Variants in NBAS observed in about 807,000 individuals in gnomAD.
NBAS encodes NAG/BC035112 fusion.
A neutral mutation model predicts 302.5 loss-of-function variants in NBAS; 219 were observed. That is an observed-to-expected ratio of 0.72 (90% CI 0.65 to 0.81). The LOEUF (loss-of-function observed/expected upper bound fraction) is 0.81. Ranked by LOEUF, NBAS falls within the 30% of genes least tolerant of loss-of-function variation. The probability of loss-of-function intolerance (pLI) is 0.00; values close to 1 mark genes in which losing one functional copy is unlikely to be tolerated. For synonymous variants in NBAS, 1,118 were observed against 1,021.6 expected (o/e 1.09, Z -1.80); for missense variants, 2,932 against 2,841.6 (o/e 1.03, Z -0.72).
intron 42 of NBAS, among the ~76,000 whole-genome samples, chr2:15,283,884 TAGGCCAC>T (rs1669929686): frequency 1.3e-5 from 2 of 152,174 alleles, no homozygotes; most frequent in South Asian, 4.1e-4. Flanking sequence ...CTGTCATCAA[TAGGCCAC>T]AGGTAATCTG....
intron 25 of NBAS, among the ~76,000 whole-genome samples, chr2:15,410,361 C>T (rs938497119): frequency 6.6e-6 from 1 of 152,096 alleles, no homozygotes; most frequent in Non-Finnish European, 1.5e-5. Flanking sequence ...TAACCGTTAG[C>T]AAGAATAAAC....
chr2:15,122,472 G>A, the NBAS span, among the ~76,000 whole-genome samples: 1 of 152,206 alleles, frequency 6.6e-6, no homozygotes, highest in South Asian at 2.1e-4. Context: ...ATCAGCAAGG[G>A]GTTGGTGCTT....
At chr2:15,247,663 A>ACT (rs371241411) in intron 44 of NBAS, among the ~76,000 whole-genome samples, 244 of 148,536 alleles carry the variant, frequency 1.6e-3, no homozygotes, top group Middle Eastern at 0.011. Context: ...AAGAAGAGCT[A>ACT]CTCTCTCTCT....
chr2:14,943,998 T>TA, the NBAS span, among the ~76,000 whole-genome samples: 5 of 151,804 alleles, frequency 3.3e-5, no homozygotes, highest in East Asian at 1.9e-4. Flanking sequence ...TTCAACCAAA[T>TA]AAAAAAAACT....
At chr2:14,846,193 A>G in the NBAS span, among the ~76,000 whole-genome samples, 1 of 152,196 alleles carries the variant, frequency 6.6e-6, no homozygotes, top group Non-Finnish European at 1.5e-5. Flanking sequence ...TACAGCTTGA[A>G]TATGTCTGCC....
At chr2:15,496,097 T>TACAC (rs61047968) in intron 11 of NBAS, among the ~76,000 whole-genome samples, 4,831 of 143,954 alleles carry the variant, frequency 0.034, 85 homozygotes, top group African/African-American at 0.053. Context: ...CATATACAGA[T>TACAC]ACACACACAC....
intron 47 of NBAS, among the ~76,000 whole-genome samples, chr2:15,223,658 G>A (rs940977551): frequency 2.0e-5 from 3 of 151,684 alleles, no homozygotes; most frequent in African/African-American, 7.3e-5. Context: ...GTGAAACCCC[G>A]TCTCTATTAA....
At chr2:15,093,444 T>C in the NBAS span, among the ~76,000 whole-genome samples, 1 of 152,166 alleles carries the variant, frequency 6.6e-6, no homozygotes, top group Non-Finnish European at 1.5e-5. Context: ...GGCACTATTG[T>C]ATTGCTGCCT....
At chr2:15,345,059 T>C (rs552868771) in intron 35 of NBAS, among the ~76,000 whole-genome samples, 2 of 152,272 alleles carry the variant, frequency 1.3e-5, no homozygotes, top group East Asian at 3.9e-4. Flanking sequence ...TCACATTAAA[T>C]GGGCAAAAAC....
chr2:14,834,642 T>C, the NBAS span, among the ~76,000 whole-genome samples: 2 of 152,028 alleles, frequency 1.3e-5, no homozygotes, highest in African/African-American at 2.4e-5. Context: ...TGTGAAAAAA[T>C]AGTACAAGAC....
At chr2:15,239,804 C>T (rs1667781465) in intron 44 of NBAS, among the ~76,000 whole-genome samples, 2 of 151,998 alleles carry the variant, frequency 1.3e-5, no homozygotes, top group Non-Finnish European at 2.9e-5. Context: ...TATTCAGTGA[C>T]ACGCATCAGA....
chr2:15,120,322 T>C, the NBAS span, among the ~76,000 whole-genome samples: 1 of 152,180 alleles, frequency 6.6e-6, no homozygotes, highest in Non-Finnish European at 1.5e-5. Context: ...AAACCTACAA[T>C]GTGGATATCG....
At chr2:15,160,113 A>G in the NBAS span, among the ~76,000 whole-genome samples, 3 of 152,274 alleles carry the variant, frequency 2.0e-5, no homozygotes, top group East Asian at 5.8e-4. Flanking sequence ...AGAGCCGTTC[A>G]AGGGCTTTAA....
intron 1 of NBAS, 29 bp from the exon 2 acceptor site, chr2:15,558,663 T>C: frequency 6.4e-7 from 1 of 1,561,346 alleles, no homozygotes; most frequent in Middle Eastern, 1.7e-4. Flanking sequence ...AACACTTACA[T>C]TTGAATCTTC....
intron 22 of NBAS, among the ~76,000 whole-genome samples, chr2:15,426,440 TTTCATCTATAACTTGAATA>T (rs1422719070): frequency 6.6e-6 from 1 of 152,238 alleles, no homozygotes; most frequent in Non-Finnish European, 1.5e-5. Context: ...ATGGCATCTC[TTTCATCTATAACTTGAATA>T]TTACACTTGT....
At chr2:14,853,138 T>C in the NBAS span, among the ~76,000 whole-genome samples, 1 of 67,122 alleles carries the variant, frequency 1.5e-5, no homozygotes, top group South Asian at 5.5e-4. Context: ...ACAGGCAACC[T>C]ACAACATGGG....
the NBAS span, among the ~76,000 whole-genome samples, chr2:14,904,783 C>T: frequency 2.6e-5 from 4 of 152,216 alleles, no homozygotes; most frequent in Non-Finnish European, 5.9e-5. Context: ...GGCGCGGTGG[C>T]TCAAGCCTGT....
intron 44 of NBAS, among the ~76,000 whole-genome samples, chr2:15,257,270 C>T (rs564309708): frequency 1.3e-5 from 2 of 152,208 alleles, no homozygotes; most frequent in African/African-American, 4.8e-5. Context: ...CGGATTTAAT[C>T]TAGGATATTT....
chr2:15,353,725 AG>A lies in NBAS; in HGVS notation c.3932-16del. 7.4e-6 allele frequency: 12 copies of A among 1,613,880 alleles called. No individual in the cohort carries two copies. Among genetic ancestry groups the A allele is most frequent in the Non-Finnish European group, 1.0e-5 (12 of 1,179,864 alleles). On this transcript the variant is annotated splice_polypyrimidine_tract_variant and intron_variant, in intron 33 of 51. Transcript: ENST00000281513. ...TTTAGGATAACCTGCAAAATTGGCA[AG>A]GAAAAAAATGATTCCCAAAAGAAGA...
Sources: gnomAD v4.1 joint callset for allele counts (sites outside exome capture counted in the v4.1 genomes callset) on GRCh38, gnomAD v4.1.1 for gene constraint, MANE v1.5 for transcripts, NCBI Gene and HGNC (gene_info 2026-07-23, HGNC 2026-07-21) for gene names.